The following RAI14 variants were observed in gnomAD, a reference collection of about 807,000 sequenced individuals.
RAI14 encodes the protein retinoic acid induced 14.
A neutral mutation model predicts 115.4 loss-of-function variants in RAI14; 45 were observed. The observed-to-expected ratio is 0.39, with a 90% CI of 0.31 to 0.50. The LOEUF (loss-of-function observed/expected upper bound fraction) is 0.50, where lower values mean the gene tolerates loss of function less well. Among genes scored for constraint, RAI14 ranks in the 20% least tolerant of loss-of-function variants. The pLI, the probability that RAI14 is intolerant of heterozygous loss-of-function variation, is 0.85. For synonymous variants in RAI14, 371 were observed against 415.4 expected (o/e 0.89, Z 1.30); for missense variants, 939 against 1,131.2 (o/e 0.83, Z 2.44).
intron 12 of RAI14, among the ~76,000 whole-genome samples, chr5:34,817,017 C>A (rs1263591202): frequency 1.3e-5 from 2 of 151,900 alleles, no homozygotes; most frequent in African/African-American, 4.8e-5. Flanking sequence ...ACAGCTCATG[C>A]CTGTAATCCC....
At chr5:34,661,392 A>G (rs1342375512) in intron 1 of RAI14, among the ~76,000 whole-genome samples, 1 of 152,158 alleles carries the variant, frequency 6.6e-6, no homozygotes, top group Non-Finnish European at 1.5e-5. Flanking sequence ...GACCCCTAGC[A>G]GGTAAACAGA....
intron 1 of RAI14, among the ~76,000 whole-genome samples, chr5:34,677,756 T>C (rs1744093349): frequency 6.6e-6 from 1 of 152,170 alleles, no homozygotes; most frequent in Admixed American, 6.5e-5. Context: ...TTTCTGATTA[T>C]TCTTAGATTT....
intron 2 of RAI14, among the ~76,000 whole-genome samples, chr5:34,698,654 C>G (rs1358075504): frequency 2.0e-5 from 3 of 151,888 alleles, no homozygotes; most frequent in African/African-American, 7.3e-5. Flanking sequence ...TGAAGAGACT[C>G]TAATGGAGAA....
At position 34,824,599 on chromosome 5, in the gene RAI14, C is replaced by G. The variant is rs759081410; in HGVS notation, c.2649+108C>G. The G allele has an allele frequency of 9.4e-5, 84 of 894,984 alleles. 1 individual carries two copies. Among genetic ancestry groups the G allele is most frequent in the Non-Finnish European group, 1.3e-4 (80 of 618,236 alleles). 55.4% of individuals were successfully genotyped at this position (894,984 alleles called of 1,614,324 possible). The stretch of plus-strand genomic sequence containing the variant: ...TTGGCACTAAACTGGAGTGAATGCT[C>G]AGAGGCTCTGCACATGAACTTTATC... On this transcript the variant is annotated intron_variant, in intron 15 of 17. Transcript: ENST00000265109.
chr5:34,681,233 C>G (rs1434034404), intron 1 of RAI14, among the ~76,000 whole-genome samples: 1 of 152,144 alleles, frequency 6.6e-6, no homozygotes, highest in East Asian at 1.9e-4. Flanking sequence ...GGTTAAAATT[C>G]CATTTTTGTT....
At chr5:34,786,682 T>C (rs995430387) in intron 3 of RAI14, among the ~76,000 whole-genome samples, 1 of 152,158 alleles carries the variant, frequency 6.6e-6, no homozygotes, top group African/African-American at 2.4e-5. Flanking sequence ...TGGTTCCACA[T>C]TTTCCAACTG....
rs1426275543 is a variant in RAI14 at position 34,665,174 on chromosome 5, C to CAT, written c.-49+8700_-49+8701insTA. The stretch of plus-strand genomic sequence containing the variant: ...ATATGTGTGTGTATATATATATATA[C>CAT]ACACATATATATATGTATATATATA... On this transcript the variant is annotated intron_variant, in intron 1 of 17. Coordinates refer to ENST00000265109, the MANE Select transcript of RAI14 (RefSeq NM_015577.3). Among the ~76,000 whole-genome samples the CAT allele has an allele frequency of 4.2e-3, 13 of 3,064 alleles. 1 individual carries two copies. The highest frequency in any genetic ancestry group is 0.025 in the South Asian group (3 of 120). The allele number at this position is 3,064 out of a possible 152,430, so 2.0% of individuals were successfully genotyped here. A position where few individuals can be genotyped will look rare whatever the true frequency, so the allele number is the denominator to read the frequency against.
At chr5:34,690,196 A>G (rs1028988243) in intron 2 of RAI14, among the ~76,000 whole-genome samples, 3 of 152,212 alleles carry the variant, frequency 2.0e-5, no homozygotes, top group Non-Finnish European at 4.4e-5. Flanking sequence ...AAACATTTAC[A>G]TTCAGTTGAA....
intron 3 of RAI14, among the ~76,000 whole-genome samples, chr5:34,773,341 T>G (rs1192065924): frequency 6.6e-6 from 1 of 152,148 alleles, no homozygotes. Context: ...CTTCAAAACA[T>G]TGGTCTAGGC....
At chr5:34,754,016 G>A (rs569050018) in intron 2 of RAI14, among the ~76,000 whole-genome samples, 11 of 152,128 alleles carry the variant, frequency 7.2e-5, no homozygotes, top group African/African-American at 2.7e-4. Context: ...AGGAGGCAGA[G>A]GTTGCAGTGA....
intron 3 of RAI14, among the ~76,000 whole-genome samples, chr5:34,793,189 C>T (rs932787887): frequency 6.6e-6 from 1 of 152,190 alleles, no homozygotes. Context: ...GCGCAGCTTC[C>T]TAACACCTCA....
At chr5:34,716,160 T>C (rs1363020439) in intron 2 of RAI14, 2 of 411,798 alleles carry the variant, frequency 4.9e-6, no homozygotes, top group African/African-American at 2.1e-5. Flanking sequence ...TTCGGTATTA[T>C]AAAAAATGCA....
At chr5:34,698,723 T>C (rs1427484196) in intron 2 of RAI14, among the ~76,000 whole-genome samples, 1 of 152,180 alleles carries the variant, frequency 6.6e-6, no homozygotes, top group Non-Finnish European at 1.5e-5. Context: ...TGGGCCTCTC[T>C]ATACGTCATT....
At position 34,759,032 on chromosome 5, in the gene RAI14, C is replaced by T. The variant is rs183747987; in HGVS notation, c.167+1434C>T. On this transcript the variant is annotated intron_variant, in intron 3 of 17. Transcript: ENST00000265109. The stretch of plus-strand genomic sequence containing the variant: ...ATCCCAGCACTTTGGGAGGCCGAGG[C>T]GGGTGGAATCACTTGAGGTCAGGAG... Among the ~76,000 whole-genome samples, 209 of 152,194 alleles carry T rather than the reference C, an allele frequency of 1.4e-3. 1 individual carries two copies. The highest frequency in any genetic ancestry group is 4.6e-3 in the African/African-American group (189 of 41,530).
intron 2 of RAI14, among the ~76,000 whole-genome samples, chr5:34,707,245 T>TA: frequency 6.6e-6 from 1 of 152,332 alleles, no homozygotes; most frequent in Non-Finnish European, 1.5e-5. Flanking sequence ...GGCAGGCAGA[T>TA]CACCTGAGGT....
At chr5:34,728,877 G>A (rs1323195400) in intron 2 of RAI14, among the ~76,000 whole-genome samples, 1 of 152,074 alleles carries the variant, frequency 6.6e-6, no homozygotes, top group Non-Finnish European at 1.5e-5. Flanking sequence ...AGCCATGATG[G>A]CGTCACTGCA....
intron 1 of RAI14, among the ~76,000 whole-genome samples, chr5:34,681,635 C>T (rs1009712589): frequency 8.5e-5 from 13 of 152,064 alleles, no homozygotes; most frequent in South Asian, 2.1e-4. Flanking sequence ...GCTAGGACTA[C>T]GGGCATGTGC....
In RAI14 at chr5:34,814,681, C is replaced by T. The variant is rs768947381; in HGVS notation, c.939+12C>T. On this transcript the variant is annotated intron_variant, in intron 12 of 17. Coordinates refer to ENST00000265109, the MANE Select transcript of RAI14 (RefSeq NM_015577.3). ...AACCACCCTTCAAGGTATTTCCTTT[C>T]TGTATTCAGTTTTGTTACTGTATTT... 64 of 1,579,084 alleles carry T rather than the reference C, an allele frequency of 4.1e-5. 1 individual carries two copies. The South Asian group carries it at 6.8e-4, about 17-fold the overall frequency.
intron 2 of RAI14, among the ~76,000 whole-genome samples, chr5:34,701,814 CT>C (rs112745892): frequency 2.9e-3 from 422 of 143,834 alleles, no homozygotes; most frequent in Middle Eastern, 3.6e-3. Context: ...TTGACTCTCC[CT>C]TTTTTTTTTT....
Sources: allele counts gnomAD v4.1 joint callset (sites outside exome capture counted in the v4.1 genomes callset), GRCh38; gene constraint gnomAD v4.1.1; transcripts MANE v1.5; gene names NCBI Gene and HGNC (gene_info 2026-07-23, HGNC 2026-07-21).